SEPTIN12: variants seen among roughly 807,000 people sequenced by gnomAD.
The protein encoded by SEPTIN12 is septin-12.
Under a neutral mutation model 37.7 loss-of-function variants are expected in SEPTIN12, and 42 were observed. The ratio of observed to expected loss-of-function variants is 1.11; its 90% CI spans 0.87 to 1.44. The LOEUF is 1.44. Among genes scored for constraint, SEPTIN12 ranks in the 40% most tolerant of loss-of-function variants. The pLI is 0.00. For synonymous variants in SEPTIN12, 254 were observed against 196.7 expected, an observed-to-expected ratio of 1.29 and a Z score of -2.44; for missense variants, 613 against 479.2, an observed-to-expected ratio of 1.28 and a Z score of -2.61.
chr16:4,791,311 C>G (rs1164379533), upstream of SEPTIN12, among the ~76,000 whole-genome samples: 1 of 152,170 alleles, frequency 6.6e-6, no homozygotes, highest in East Asian at 1.9e-4. Flanking sequence ...AAAAAACGAT[C>G]TATGCAGCGT....
At chr16:4,789,299 G>A (rs1347289943), upstream of SEPTIN12, among the ~76,000 whole-genome samples, 2 of 151,846 alleles carry the variant, frequency 1.3e-5, no homozygotes, top group Non-Finnish European at 2.9e-5. Context: ...GAGCCACCAT[G>A]CCTGGCCTTT....
At chr16:4,786,469 C>T (rs1447255177) in intron 2 of SEPTIN12, among the ~76,000 whole-genome samples, 1 of 151,600 alleles carries the variant, frequency 6.6e-6, no homozygotes, top group Non-Finnish European at 1.5e-5. Flanking sequence ...ATTCCCCTGT[C>T]TCAGCCTCCC....
upstream of SEPTIN12, among the ~76,000 whole-genome samples, chr16:4,789,021 T>TTTTTGTTGTTTG (rs1411576027): frequency 1.3e-5 from 2 of 152,228 alleles, no homozygotes; most frequent in African/African-American, 2.4e-5. Flanking sequence ...GCTGTTTCTT[T>TTTTTGTTGTTTG]TTTTGTTGTT....
At position 4,786,994 on chromosome 16, in the gene SEPTIN12, C is replaced by CCTCCAAAGTAG. The variant is rs1218920205; in HGVS notation, c.166+485_166+486insCTACTTTGGAG. Among the ~76,000 whole-genome samples, 3 of 151,868 alleles carry CCTCCAAAGTAG rather than the reference C, an allele frequency of 2.0e-5. No homozygotes were observed. The East Asian group carries it at 5.8e-4, about 30-fold the overall frequency. ...GGTTCAAGCAATTCTCCTGCCTTAG[C>CCTCCAAAGTAG]CTCCTAAGTAGCTCCTAAGTACAGG... On this transcript the variant is annotated intron_variant, in intron 2 of 9. Coordinates refer to ENST00000268231, the MANE Select transcript of SEPTIN12 (RefSeq NM_144605.5).
intron 2 of SEPTIN12, 47 bp downstream of exon 2, chr16:4,787,433 C>T (rs776417122): frequency 1.1e-5 from 18 of 1,578,882 alleles, no homozygotes; most frequent in Admixed American, 6.7e-5. Flanking sequence ...CCCAGGCACG[C>T]GTAGCACTGT....
chr16:4,788,600 C>G (rs1051588374), upstream of SEPTIN12: 1 of 152,226 alleles, frequency 6.6e-6, no homozygotes, highest in African/African-American at 2.4e-5. Context: ...CCAGGCCCCA[C>G]AGCTGGCTAG....
At chr16:4,783,904 C>G in intron 5 of SEPTIN12, 27 bp downstream of exon 5, 1 of 1,613,708 alleles carries the variant, frequency 6.2e-7, no homozygotes, top group Non-Finnish European at 8.5e-7. Flanking sequence ...GCAGGTGGTC[C>G]TCGCCTTGCA....
rs758807812 is a variant in SEPTIN12 at position 4,783,733 on chromosome 16, C to T, written c.546G>A (p.Arg182=). ...GCACCACATTCACAGTCCGGCACAGCCGCTGCAGGAACTCAATGTCCAGGG... is the reference window on the plus strand; with the variant it reads ...GCACCACATTCACAGTCCGGCACAGTCGCTGCAGGAACTCAATGTCCAGGG... ...LRPLDIEFLQ[R]LCRTVNVVPV... The change falls in exon 6 of 10, where the codon CGG becomes CGA. Residue 182 remains arginine, a synonymous_variant. Coordinates refer to ENST00000268231, the MANE Select transcript of SEPTIN12 (RefSeq NM_144605.5). The T allele has an allele frequency of 3.1e-6, 5 of 1,613,884 alleles. No individual in the cohort carries two copies. The African/African-American group carries it at 5.3e-5, about 17-fold the overall frequency.
In SEPTIN12 at chr16:4,783,916, G is replaced by A. The variant is rs527738073; in HGVS notation, c.512+15C>T. ...CGTGCAGGTGGTCCTCGCCTTGCAGGTGCAGCCCCCTCACCAGTGCCCAGT... is the reference window on the plus strand; with the variant it reads ...CGTGCAGGTGGTCCTCGCCTTGCAGATGCAGCCCCCTCACCAGTGCCCAGT... On this transcript the variant is annotated intron_variant, in intron 5 of 9. Coordinates refer to ENST00000268231, the MANE Select transcript of SEPTIN12 (RefSeq NM_144605.5). 1.2e-6 allele frequency: 2 copies of A among 1,613,816 alleles called. No individual in the cohort carries two copies. The highest frequency in any genetic ancestry group is 1.3e-5 in the African/African-American group (1 of 74,934).
chr16:4,784,177 C>CAA, intron 4 of SEPTIN12, 109 bp from the exon 5 acceptor site: 1 of 1,326,834 alleles, frequency 7.5e-7, no homozygotes, highest in Non-Finnish European at 1.1e-6. Context: ...CGAATCGTCC[C>CAA]GGTTGGCCCG....
intron 7 of SEPTIN12, among the ~76,000 whole-genome samples, chr16:4,781,227 C>A (rs957154441): frequency 1.3e-5 from 2 of 151,538 alleles, no homozygotes; most frequent in Non-Finnish European, 2.9e-5. Context: ...CCACTATACT[C>A]CAGCTTGGGT....
intron 8 of SEPTIN12, among the ~76,000 whole-genome samples, chr16:4,779,350 A>G (rs1361686605): frequency 1.3e-5 from 2 of 152,128 alleles, no homozygotes. Context: ...CAGTAACTGC[A>G]CATAGCGGTG....
At chr16:4,791,071 G>T (rs895393083), upstream of SEPTIN12, among the ~76,000 whole-genome samples, 1 of 152,214 alleles carries the variant, frequency 6.6e-6, no homozygotes, top group African/African-American at 2.4e-5. Context: ...ACGTACCTCT[G>T]GGGATGTCCC....
Position 4,783,967 on chromosome 16 carries a change from T to G in SEPTIN12, c.476A>C (p.His159Pro). ...RQRHIPDTRV[H>P]CCVYFVPPTG... The stretch of plus-strand genomic sequence containing the variant: ...GGGTGGTACAAAGTACACGCAGCAG[T>G]GCACCCGGGTGTCTGGGATGTGGCG... The change falls in exon 5 of 10, where the codon CAC (histidine) becomes CCC (proline). Residue 159 changes from histidine to proline, a missense_variant. Transcript: ENST00000268231. 6.2e-7 allele frequency: 1 copy of G among 1,614,118 alleles called. No homozygotes were observed. Among genetic ancestry groups the G allele is most frequent in the Non-Finnish European group, 8.5e-7 (1 of 1,179,994 alleles).
upstream of SEPTIN12, chr16:4,788,526 C>G (rs1488348435): frequency 6.6e-6 from 1 of 152,180 alleles, no homozygotes; most frequent in Non-Finnish European, 1.5e-5. Flanking sequence ...CCCAAGGCCC[C>G]CTCGTCAGCT....
chr16:4,777,763 C>A lies in SEPTIN12; in HGVS notation c.*34G>T, dbSNP rs2141861153. ...TGTGTGTTGAGAGCCGCTGGGGACT[C>A]AGGAAGCCCAGCAGCCCCGGGATCC... On this transcript the variant is annotated 3_prime_UTR_variant, in exon 10 of 10. Transcript: ENST00000268231. 2.1e-6 allele frequency: 3 copies of A among 1,447,894 alleles called. No homozygotes were observed. In the East Asian group the frequency reaches 7.3e-5, roughly 35 times the overall value. The allele number at this position is 1,447,894 out of a possible 1,614,324, so 89.7% of individuals were successfully genotyped here.
intron 7 of SEPTIN12, 152 bp downstream of exon 7, chr16:4,783,310 T>C (rs775922372): frequency 6.0e-6 from 4 of 665,406 alleles, no homozygotes; most frequent in Non-Finnish European, 5.4e-6. Flanking sequence ...TGTTATTTCT[T>C]GCTCACCTTG....
intron 8 of SEPTIN12, 37 bp from the exon 9 acceptor site, chr16:4,778,174 T>A: frequency 4.3e-6 from 7 of 1,610,228 alleles, no homozygotes; most frequent in Non-Finnish European, 5.1e-6. Context: ...CGCTGCTTAG[T>A]GAGCACTGAG....
intron 7 of SEPTIN12, among the ~76,000 whole-genome samples, chr16:4,781,333 G>A (rs1244498281): frequency 1.3e-5 from 2 of 151,546 alleles, no homozygotes; most frequent in Non-Finnish European, 2.9e-5. Context: ...GTACGGTACG[G>A]GGGTTTTTAG....
Sources: gnomAD v4.1 joint callset for allele counts (sites outside exome capture counted in the v4.1 genomes callset) on GRCh38, gnomAD v4.1.1 for gene constraint, MANE v1.5 for transcripts, NCBI Gene and HGNC (gene_info 2026-07-23, HGNC 2026-07-21) for gene names.